Variants in NUDCD2 observed in about 807,000 individuals in gnomAD.
NUDCD2 encodes NudC domain containing 2.
NUDCD2 carries 16 observed loss-of-function variants against 20.8 expected under a neutral mutation model. The observed-to-expected ratio is 0.77, with a 90% confidence interval of 0.52 to 1.17. The LOEUF is 1.17. NUDCD2 is among the 50% of genes most tolerant of loss of function. The probability of loss-of-function intolerance (pLI) is 0.00; values close to 1 mark genes in which losing one functional copy is unlikely to be tolerated. For synonymous variants in NUDCD2, 87 were observed against 72.8 expected (o/e 1.20, Z -1.00); for missense variants, 199 against 193.9 (o/e 1.03, Z -0.16).
Position 163,453,777 on chromosome 5 carries a change from C to G in NUDCD2, c.*190G>C, listed in dbSNP as rs1758236545. ...AGTCCAAAACAACTTTACCATATAT[C>G]CATAGAATAGTTCCCACAGTACATT... On this transcript the variant is annotated 3_prime_UTR_variant, in exon 4 of 4. Transcript: ENST00000302764. 1.3e-5 allele frequency: 5 copies of G among 391,360 alleles called. No homozygotes were observed. Among genetic ancestry groups the G allele is most frequent in the Non-Finnish European group, 1.9e-5 (4 of 215,040 alleles). 24.2% of individuals were successfully genotyped at this position (391,360 alleles called of 1,614,324 possible).
intron 3 of NUDCD2, 146 bp downstream of exon 3, chr5:163,456,783 G>A: frequency 3.3e-6 from 2 of 612,772 alleles, no homozygotes; most frequent in South Asian, 3.3e-5. Flanking sequence ...TACAAGAAAG[G>A]CCATTTTTCT....
chr5:163,454,855 A>T (rs1758264023), intron 3 of NUDCD2, among the ~76,000 whole-genome samples: 1 of 142,364 alleles, frequency 7.0e-6, no homozygotes, highest in Admixed American at 6.8e-5. Context: ...GTGAAAAAAA[A>T]CAAAAATCCC....
Position 163,457,730 on chromosome 5 carries a change from C to A in NUDCD2, c.190-120G>T, listed in dbSNP as rs962978285. 1.9e-5 allele frequency: 13 copies of A among 683,388 alleles called. No homozygotes were observed. The Admixed American group carries it at 2.9e-4, about 15-fold the overall frequency. 42.3% of individuals were successfully genotyped at this position (683,388 alleles called of 1,614,324 possible). A position where few individuals can be genotyped will look rare whatever the true frequency, so the allele number is the denominator to read the frequency against. On this transcript the variant is annotated intron_variant, in intron 1 of 3. Coordinates refer to ENST00000302764, the MANE Select transcript of NUDCD2 (RefSeq NM_145266.6). ...ATCTTATACCACCACTTCACCATGA[C>A]ATTTATAGGTGCACAACCCTAAATT...
Position 163,448,091 on chromosome 5 carries a change from TG to T in NUDCD2, c.*5875del, listed in dbSNP as rs1252100521. On this transcript the variant is annotated 3_prime_UTR_variant, in exon 4 of 4. Coordinates refer to ENST00000302764, the MANE Select transcript of NUDCD2 (RefSeq NM_145266.6). ...TAGGAGGATCATGACCCCACGAGTT[TG>T]AGGCTGCAGTGAGCTATGATCATAA... 1 of 151,638 alleles carries T rather than the reference TG, an allele frequency of 6.6e-6. No individual in the cohort carries two copies. The highest frequency in any genetic ancestry group is 2.4e-5 in the African/African-American group (1 of 41,248). The allele number at this position is 151,638 out of a possible 1,614,324, so 9.4% of individuals were successfully genotyped here.
chr5:163,455,689 G>C (rs938775604), intron 3 of NUDCD2, among the ~76,000 whole-genome samples: 1 of 151,124 alleles, frequency 6.6e-6, no homozygotes, highest in Admixed American at 6.6e-5. Context: ...GCGGGAATCC[G>C]GGAGGCGGAG....
intron 3 of NUDCD2, among the ~76,000 whole-genome samples, chr5:163,456,710 C>T (rs1758320107): frequency 6.6e-6 from 1 of 152,162 alleles, no homozygotes; most frequent in African/African-American, 2.4e-5. Context: ...TAAGCTTAAA[C>T]TCACAAATCA....
At chr5:163,457,677 G>T in intron 1 of NUDCD2, 67 bp from the exon 2 acceptor site, 1 of 1,010,354 alleles carries the variant, frequency 9.9e-7, no homozygotes, top group Non-Finnish European at 1.6e-6. Flanking sequence ...TCATGATTAA[G>T]ATTTACCTAC....
At position 163,450,733 on chromosome 5, in the gene NUDCD2, A is replaced by T. The variant is rs1055014884; in HGVS notation, c.*3234T>A. 6.6e-6 allele frequency: 1 copy of T among 152,256 alleles called. No individual in the cohort carries two copies. Among genetic ancestry groups the T allele is most frequent in the Non-Finnish European group, 1.5e-5 (1 of 68,050 alleles). The allele number at this position is 152,256 out of a possible 1,614,324, so 9.4% of individuals were successfully genotyped here. On this transcript the variant is annotated 3_prime_UTR_variant, in exon 4 of 4. Transcript: ENST00000302764. ...TGCTGGTGGGAAAGTAAAAAGATGTAGCTGCTTTGGGAAACAATGACAGCT... is the reference window on the plus strand; with the variant it reads ...TGCTGGTGGGAAAGTAAAAAGATGTTGCTGCTTTGGGAAACAATGACAGCT...
rs1262385394 is a variant in NUDCD2 at position 163,451,414 on chromosome 5, G to A, written c.*2553C>T. 3 of 152,128 alleles carry A rather than the reference G, an allele frequency of 2.0e-5. No individual in the cohort carries two copies. The highest frequency in any genetic ancestry group is 4.4e-5 in the Non-Finnish European group (3 of 68,028). 9.4% of individuals were successfully genotyped at this position (152,128 alleles called of 1,614,324 possible). A position where few individuals can be genotyped will look rare whatever the true frequency, so the allele number is the denominator to read the frequency against. On this transcript the variant is annotated 3_prime_UTR_variant, in exon 4 of 4. Coordinates refer to ENST00000302764, the MANE Select transcript of NUDCD2 (RefSeq NM_145266.6). Reference sequence around the variant, plus strand: ...GTAGGGTGTGTAGAGTACAAAGAGAGCACGAGAGTTTTTACGGTGATTGAA... The same window carrying A: ...GTAGGGTGTGTAGAGTACAAAGAGAACACGAGAGTTTTTACGGTGATTGAA...
At chr5:163,455,999 G>T (rs980084622) in intron 3 of NUDCD2, among the ~76,000 whole-genome samples, 15 of 151,912 alleles carry the variant, frequency 9.9e-5, no homozygotes, top group African/African-American at 3.4e-4. Flanking sequence ...AATTTTTTTT[G>T]ACCTGAACTA....
rs1489937801 is a variant in NUDCD2, at chr5:163,448,240, C to T, written c.*5727G>A. 2 of 148,226 alleles carry T rather than the reference C, an allele frequency of 1.3e-5. No individual in the cohort carries two copies. Among genetic ancestry groups the T allele is most frequent in the African/African-American group, 2.5e-5 (1 of 40,514 alleles). The allele number at this position is 148,226 out of a possible 1,614,324, so 9.2% of individuals were successfully genotyped here. A position where few individuals can be genotyped will look rare whatever the true frequency, so the allele number is the denominator to read the frequency against. ...GGCAGAAAATAAATGCAATTGTAAA[C>T]AAATTAATAGAAAACAATCAAAAAA... is the stretch of plus-strand genomic sequence containing the variant. On this transcript the variant is annotated 3_prime_UTR_variant, in exon 4 of 4. Transcript: ENST00000302764.
At position 163,457,606 on chromosome 5, in the gene NUDCD2, T is replaced by G. The variant is rs763285115; in HGVS notation, c.194A>C (p.Lys65Thr). The G allele has an allele frequency of 4.4e-6, 7 of 1,583,244 alleles. No homozygotes were observed. In the Middle Eastern group the frequency reaches 5.0e-4, roughly 113 times the overall value. Residue 65 changes from lysine to threonine, a missense_variant, in exon 2 of 4, where the codon AAA becomes ACA. Coordinates refer to ENST00000302764, the MANE Select transcript of NUDCD2 (RefSeq NM_145266.6). ...ATCAGCTATTGTAGAATCAAAGAGT[T>G]TGCCCTGAAAAATAAACATATAAGG... is the stretch of plus-strand genomic sequence containing the variant. ...SVGGREILKG[K>T]LFDSTIADEG...
chr5:163,453,806 T>C lies in NUDCD2; in HGVS notation c.*161A>G, dbSNP rs1581177771. 2.3e-6 allele frequency: 1 copy of C among 428,244 alleles called. No individual in the cohort carries two copies. Among genetic ancestry groups the C allele is most frequent in the African/African-American group, 2.0e-5 (1 of 49,018 alleles). 26.5% of individuals were successfully genotyped at this position (428,244 alleles called of 1,614,324 possible). On this transcript the variant is annotated 3_prime_UTR_variant, in exon 4 of 4. Transcript: ENST00000302764. ...AGAATAGTTCCCACAGTACATTTCC[T>C]ATGTAAATTATGTTTGAATGCAATT...
rs1758121982 is a variant in NUDCD2, at chr5:163,449,482, T to C, written c.*4485A>G. On this transcript the variant is annotated 3_prime_UTR_variant, in exon 4 of 4. Transcript: ENST00000302764. ...TAACTGAAATGAAAGAGGTCCTAAATAGATACCTCATGTTCATGGATTGGA... is the reference window on the plus strand; with the variant it reads ...TAACTGAAATGAAAGAGGTCCTAAACAGATACCTCATGTTCATGGATTGGA... 1 of 152,210 alleles carries C rather than the reference T, an allele frequency of 6.6e-6. No individual in the cohort carries two copies. Among genetic ancestry groups the C allele is most frequent in the South Asian group, 2.1e-4 (1 of 4,838 alleles). The allele number at this position is 152,210 out of a possible 1,614,324, so 9.4% of individuals were successfully genotyped here.
intron 1 of NUDCD2, among the ~76,000 whole-genome samples, chr5:163,458,283 A>G (rs1038545150): frequency 2.0e-5 from 3 of 151,892 alleles, no homozygotes; most frequent in African/African-American, 7.3e-5. Context: ...ACCCGGCAAA[A>G]TGTTGTTTTT....
At chr5:163,458,461 T>C (rs1358047209) in intron 1 of NUDCD2, among the ~76,000 whole-genome samples, 2 of 152,082 alleles carry the variant, frequency 1.3e-5, no homozygotes, top group Non-Finnish European at 2.9e-5. Flanking sequence ...CCAGGCCCAG[T>C]AGCTCAGGCC....
Position 163,453,882 on chromosome 5 carries a change from G to C in NUDCD2, c.*85C>G. 4.8e-6 allele frequency: 3 copies of C among 626,730 alleles called. No homozygotes were observed. The highest frequency in any genetic ancestry group is 6.7e-5 in the South Asian group (2 of 29,820). The allele number at this position is 626,730 out of a possible 1,614,324, so 38.8% of individuals were successfully genotyped here. ...TGCAATCTGTTAACTGTAGGCATCC[G>C]CATTTTTCTTCCATTACATAATCTG... On this transcript the variant is annotated 3_prime_UTR_variant, in exon 4 of 4. Coordinates refer to ENST00000302764, the MANE Select transcript of NUDCD2 (RefSeq NM_145266.6).
Position 163,451,001 on chromosome 5 carries a change from C to T in NUDCD2, c.*2966G>A, listed in dbSNP as rs1330094320. 6.6e-6 allele frequency: 1 copy of T among 152,152 alleles called. No individual in the cohort carries two copies. The highest frequency in any genetic ancestry group is 1.5e-5 in the Non-Finnish European group (1 of 68,022). The allele number at this position is 152,152 out of a possible 1,614,324, so 9.4% of individuals were successfully genotyped here. ...GATACATGCTCGAATATAGATGAAC[C>T]TCTTAAGACATGTAAAGTGAAGGAA... On this transcript the variant is annotated 3_prime_UTR_variant, in exon 4 of 4. Transcript: ENST00000302764.
Position 163,457,979 on chromosome 5 carries a change from C to CTTTTTTTT in NUDCD2, c.190-377_190-370dup, listed in dbSNP as rs540496894. Among the ~76,000 whole-genome samples, 5 of 73,722 alleles carry CTTTTTTTT rather than the reference C, an allele frequency of 6.8e-5. 1 individual carries two copies. Among genetic ancestry groups the CTTTTTTTT allele is most frequent in the Admixed American group, 2.1e-4 (1 of 4,824 alleles). The allele number at this position is 73,722 out of a possible 152,430, so 48.4% of individuals were successfully genotyped here. On this transcript the variant is annotated intron_variant, in intron 1 of 3. Transcript: ENST00000302764. ...TCCTGCTAAAACTAAAAAATGTTGT[C>CTTTTTTTT]TTTTTTTTTTTTTTTTTTTTTTTTT...
Sources: allele counts gnomAD v4.1 joint callset (sites outside exome capture counted in the v4.1 genomes callset), GRCh38; gene constraint gnomAD v4.1.1; transcripts MANE v1.5; gene names NCBI Gene and HGNC (gene_info 2026-07-23, HGNC 2026-07-21).